The following CELF2 variants were observed in gnomAD, a reference collection of about 807,000 sequenced individuals.
The protein encoded by CELF2 is CUG triplet repeat RNA-binding protein 2.
CELF2 carries 8 observed loss-of-function variants against 62.6 expected under a neutral mutation model. The ratio of observed to expected loss-of-function variants is 0.13; its 90% CI spans 0.07 to 0.23. CELF2 has a LOEUF of 0.23. Ranked by LOEUF, CELF2 falls within the 10% of genes least tolerant of loss-of-function variation. CELF2 has a pLI of 1.00. For synonymous variants in CELF2, 258 were observed against 250.0 expected, an observed-to-expected ratio of 1.03 and a Z score of -0.30; for missense variants, 333 against 671.0, an observed-to-expected ratio of 0.50 and a Z score of 5.56.
At chr10:11,119,768 T>A (rs927730344) in intron 1 of CELF2, among the ~76,000 whole-genome samples, 1 of 151,478 alleles carries the variant, frequency 6.6e-6, no homozygotes, top group South Asian at 2.1e-4. Context: ...CCTATAATGA[T>A]CAAGGGAGTG....
At chr10:10,987,984 G>C (rs2052982093) in intron 2 of CELF2, among the ~76,000 whole-genome samples, 1 of 152,128 alleles carries the variant, frequency 6.6e-6, no homozygotes, top group African/African-American at 2.4e-5. Context: ...TGGATGTGGT[G>C]AAAAGGGAAC....
At chr10:10,898,900 T>C (rs2062746259) in intron 1 of CELF2, among the ~76,000 whole-genome samples, 1 of 152,236 alleles carries the variant, frequency 6.6e-6, no homozygotes. Context: ...ATTCAAGTGA[T>C]ATAAAATATG....
the CELF2 span, among the ~76,000 whole-genome samples, chr10:10,483,214 C>CAAAAAAAA: frequency 1.9e-4 from 18 of 93,374 alleles, 1 homozygote; most frequent in East Asian, 3.1e-4. Context: ...GGCAGAATAC[C>CAAAAAAAA]AAAAAAAAAA....
intron 2 of CELF2, among the ~76,000 whole-genome samples, chr10:11,175,716 C>A (rs574260828): frequency 6.6e-6 from 1 of 152,178 alleles, no homozygotes; most frequent in Non-Finnish European, 1.5e-5. Context: ...GCCCTGGGAC[C>A]GTTTTAATGT....
At chr10:10,826,100 T>G (rs1302293819) in intron 1 of CELF2, among the ~76,000 whole-genome samples, 3 of 152,188 alleles carry the variant, frequency 2.0e-5, no homozygotes, top group Admixed American at 1.3e-4. Flanking sequence ...GAGGGTTGAT[T>G]TCTAATATAT....
At chr10:11,274,004 G>C (rs1311563375) in intron 7 of CELF2, among the ~76,000 whole-genome samples, 2 of 118,890 alleles carry the variant, frequency 1.7e-5, no homozygotes, top group African/African-American at 6.7e-5. Context: ...AAAGTCCTGG[G>C]ATTACAGATG....
the CELF2 span, among the ~76,000 whole-genome samples, chr10:10,685,286 C>G: frequency 6.6e-6 from 1 of 152,194 alleles, no homozygotes; most frequent in South Asian, 2.1e-4. Context: ...CACTTAGTGA[C>G]ACAGCTTTAC....
At chr10:11,004,690 C>T (rs890437184), upstream of CELF2, among the ~76,000 whole-genome samples, 4 of 152,096 alleles carry the variant, frequency 2.6e-5, no homozygotes, top group South Asian at 2.1e-4. The surrounding 1 kb of genome is among the most constrained non-coding windows in gnomAD (Gnocchi z 5.0). Flanking sequence ...AGGTGAATGA[C>T]GCTCTGATTT....
At chr10:11,301,967 G>A (rs993254598) in intron 9 of CELF2, among the ~76,000 whole-genome samples, 5 of 152,136 alleles carry the variant, frequency 3.3e-5, no homozygotes, top group African/African-American at 9.7e-5. Context: ...CTCCGCCTTC[G>A]CTGGAACCGC....
intron 2 of CELF2, among the ~76,000 whole-genome samples, chr10:11,190,644 T>C (rs1313254892): frequency 6.6e-6 from 1 of 151,716 alleles, no homozygotes. Context: ...CAAAGTAGGC[T>C]GTACCCTCAA....
chr10:10,836,718 C>CGT (rs2058317569), intron 1 of CELF2, among the ~76,000 whole-genome samples: 2 of 152,336 alleles, frequency 1.3e-5, no homozygotes, highest in South Asian at 4.1e-4. Flanking sequence ...TCACTGCAAC[C>CGT]TCTGCCTCCC....
chr10:11,215,478 C>G (rs1259597210), intron 2 of CELF2, among the ~76,000 whole-genome samples: 1 of 152,222 alleles, frequency 6.6e-6, no homozygotes, highest in African/African-American at 2.4e-5. Context: ...ATCTCCTGAA[C>G]TTACTCTTTC....
At position 11,321,584 on chromosome 10, in the gene CELF2, G is replaced by A. The variant is rs1013264320; in HGVS notation, c.1294+198G>A. The stretch of plus-strand genomic sequence containing the variant: ...ACCTGTAGTCGCAGTTACTTGGCAG[G>A]TTGAGATGGGAGGATCGCTTGAGCC... On this transcript the variant is annotated intron_variant, in intron 11 of 12. Coordinates refer to ENST00000633077, the MANE Select transcript of CELF2 (RefSeq NM_001326342.2). The surrounding 1 kb of genome is among the most constrained non-coding windows in gnomAD (Gnocchi z 6.2). 6.6e-6 allele frequency among the ~76,000 whole-genome samples: 1 copy of A among 152,108 alleles called. No individual in the cohort carries two copies. The highest frequency in any genetic ancestry group is 2.4e-5 in the African/African-American group (1 of 41,424).
At chr10:10,795,701 T>C (rs1392065812), upstream of CELF2, among the ~76,000 whole-genome samples, 4 of 152,190 alleles carry the variant, frequency 2.6e-5, no homozygotes, top group Non-Finnish European at 5.9e-5. Flanking sequence ...AGCATGGAAT[T>C]AATTTCCAGT....
the CELF2 span, among the ~76,000 whole-genome samples, chr10:10,592,877 G>A: frequency 2.6e-5 from 4 of 152,184 alleles, no homozygotes; most frequent in African/African-American, 4.8e-5. Context: ...ATTTGGAAGC[G>A]TGGTGATAGG....
chr10:10,991,037 A>G (rs2053380404), intron 2 of CELF2, among the ~76,000 whole-genome samples: 1 of 151,944 alleles, frequency 6.6e-6, no homozygotes, highest in African/African-American at 2.4e-5. Context: ...TTCCCCCCAT[A>G]AAGTATTCCT....
the CELF2 span, among the ~76,000 whole-genome samples, chr10:10,590,983 T>A: frequency 1.5e-4 from 23 of 152,300 alleles, no homozygotes; most frequent in African/African-American, 5.3e-4. Context: ...ATTAAAACAA[T>A]AAAGTAGACC....
chr10:10,828,333 A>G (rs2057577715), intron 1 of CELF2, among the ~76,000 whole-genome samples: 1 of 152,232 alleles, frequency 6.6e-6, no homozygotes, highest in African/African-American at 2.4e-5. Context: ...TTCAGCCTCA[A>G]AAAAGAGGGG....
rs998600626 is a variant in CELF2, at chr10:11,207,593, C to T, written c.272-9832C>T. 3.3e-5 allele frequency among the ~76,000 whole-genome samples: 5 copies of T among 152,208 alleles called. No individual in the cohort carries two copies. Among genetic ancestry groups the T allele is most frequent in the East Asian group, 1.9e-4 (1 of 5,198 alleles). On this transcript the variant is annotated intron_variant, in intron 2 of 12. Coordinates refer to ENST00000633077, the MANE Select transcript of CELF2 (RefSeq NM_001326342.2). The surrounding 1 kb of genome is among the most constrained non-coding windows in gnomAD (Gnocchi z 4.1). ...ACGACTGCCTCAGGCGGCCAGAGGG[C>T]GGTGCGGGTCCCACGCTGCCAGTGT...
Sources: gnomAD v4.1 joint callset for allele counts (sites outside exome capture counted in the v4.1 genomes callset) on GRCh38, gnomAD v4.1.1 for gene constraint, Gnocchi (gnomAD v3.1) non-coding constraint, MANE v1.5 for transcripts, NCBI Gene and HGNC (gene_info 2026-07-23, HGNC 2026-07-21) for gene names.